Variants in DMXL2 observed in about 807,000 individuals in gnomAD.
DMXL2 encodes dmX-like protein 2.
Under a neutral mutation model 331.1 loss-of-function variants are expected in DMXL2, and 103 were observed. The observed-to-expected ratio is 0.31, with a 90% CI of 0.27 to 0.37. DMXL2 has a LOEUF of 0.37. DMXL2 is among the 10% of genes least tolerant of loss of function. The probability of loss-of-function intolerance (pLI) is 1.00; values close to 1 mark genes in which losing one functional copy is unlikely to be tolerated. For missense variants in DMXL2, 3,171 were observed against 3,642.9 expected (o/e 0.87, Z 3.33); for synonymous variants, 1,281 against 1,252.1 (o/e 1.02, Z -0.49).
At chr15:51,547,519 CTT>C (rs1003247726) in intron 6 of DMXL2, 111 bp from the exon 7 acceptor site, 11 of 635,268 alleles carry the variant, frequency 1.7e-5, no homozygotes, top group African/African-American at 1.7e-4. Flanking sequence ...TAATATGTGA[CTT>C]ATACATAATA....
At chr15:51,457,304 G>GGT in intron 37 of DMXL2, 24 bp downstream of exon 37, 1 of 1,602,886 alleles carries the variant, frequency 6.2e-7, no homozygotes. Flanking sequence ...ATCCAGAAAT[G>GGT]ATACCTATAA....
chr15:51,601,534 T>C (rs572980084), intron 1 of DMXL2, among the ~76,000 whole-genome samples: 1 of 152,262 alleles, frequency 6.6e-6, no homozygotes, highest in African/African-American at 2.4e-5. Context: ...AGATCAACCA[T>C]CCTGTTACTC....
At chr15:51,468,880 A>C (rs2040837792) in intron 29 of DMXL2, among the ~76,000 whole-genome samples, 1 of 152,190 alleles carries the variant, frequency 6.6e-6, no homozygotes, top group African/African-American at 2.4e-5. Flanking sequence ...TGGTGATGCC[A>C]TCAGCAAAAT....
rs138411728 is a variant in DMXL2, at chr15:51,544,243, A to G, written c.930+1340T>C. Among the ~76,000 whole-genome samples, 118 of 152,282 alleles carry G rather than the reference A, an allele frequency of 7.7e-4. 1 individual carries two copies. The East Asian group carries it at 0.02, about 25-fold the overall frequency. ...GTTTGGGTCATGAGGCGGATCCCGC[A>G]TGGCTTGGTGTTGGTATTGCCTTTG... On this transcript the variant is annotated intron_variant, in intron 8 of 43. Transcript: ENST00000560891.
At chr15:51,526,178 G>T (rs1175658364) in intron 13 of DMXL2, among the ~76,000 whole-genome samples, 1 of 120,444 alleles carries the variant, frequency 8.3e-6, no homozygotes, top group Non-Finnish European at 1.7e-5. Flanking sequence ...AAGAAGGGGG[G>T]TGGGTGGGGG....
chr15:51,593,983 C>T (rs1317996275), intron 1 of DMXL2, among the ~76,000 whole-genome samples: 3 of 152,074 alleles, frequency 2.0e-5, no homozygotes, highest in Non-Finnish European at 1.5e-5. Flanking sequence ...AAAACTGACA[C>T]CCTAACATCA....
At chr15:51,451,748 T>A in intron 41 of DMXL2, 51 bp from the exon 42 acceptor site, 1 of 1,493,234 alleles carries the variant, frequency 6.7e-7, no homozygotes, top group Non-Finnish European at 9.3e-7. Context: ...TTGTTATAAG[T>A]CGTCATCAGG....
At chr15:51,487,180 T>G (rs542313263) in intron 22 of DMXL2, among the ~76,000 whole-genome samples, 10 of 152,278 alleles carry the variant, frequency 6.6e-5, no homozygotes, top group Admixed American at 2.0e-4. Flanking sequence ...TGGGAAGTTT[T>G]ACCTCCTCAC....
chr15:51,538,975 A>G (rs911510193), intron 9 of DMXL2, among the ~76,000 whole-genome samples: 1 of 151,938 alleles, frequency 6.6e-6, no homozygotes, highest in African/African-American at 2.4e-5. Flanking sequence ...TTTGGGAGGG[A>G]GAGGCGGGTG....
chr15:51,505,072 A>G (rs899713216), intron 16 of DMXL2, among the ~76,000 whole-genome samples: 1 of 152,202 alleles, frequency 6.6e-6, no homozygotes, highest in African/African-American at 2.4e-5. Context: ...TAAAGCACCA[A>G]TCTCAGTGCC....
chr15:51,535,533 A>T (rs2048240158), intron 13 of DMXL2, 130 bp downstream of exon 13: 2 of 738,836 alleles, frequency 2.7e-6, no homozygotes, highest in Non-Finnish European at 4.0e-6. Context: ...TGTGTCATAT[A>T]TATGTCATAT....
At chr15:51,454,694 AC>A (rs1595876852) in intron 40 of DMXL2, among the ~76,000 whole-genome samples, 1 of 152,100 alleles carries the variant, frequency 6.6e-6, no homozygotes, top group Non-Finnish European at 1.5e-5. Context: ...AGGGGGTTTC[AC>A]CAGGTTGGTC....
intron 1 of DMXL2, among the ~76,000 whole-genome samples, chr15:51,618,692 T>G (rs1171200682): frequency 6.6e-6 from 1 of 152,192 alleles, no homozygotes; most frequent in Admixed American, 6.5e-5. Context: ...AAAAGTAACT[T>G]TTGCAAAGAA....
chr15:51,449,124 G>A lies in DMXL2; in HGVS notation c.9037C>T (p.Arg3013Ter), dbSNP rs775750727. ...KSEHAKQSIF[R>*]NIGAGVMQID... ...TGCATGACTCCAGCCCCAATGTTTCGAAATATGGACTGCTTAGCATGTTCA... is the reference window on the plus strand; with the variant it reads ...TGCATGACTCCAGCCCCAATGTTTCAAAATATGGACTGCTTAGCATGTTCA... Residue 3013 changes from arginine to a stop codon, truncating the protein, a stop_gained, in exon 44 of 44, where the codon CGA (arginine) becomes TGA (stop). Coordinates refer to ENST00000560891, the MANE Select transcript of DMXL2 (RefSeq NM_001378457.1). LOFTEE classifies it high-confidence loss of function. 3 of 1,614,132 alleles carry A rather than the reference G, an allele frequency of 1.9e-6. No homozygotes were observed. The highest frequency in any genetic ancestry group is 1.7e-6 in the Non-Finnish European group (2 of 1,180,008).
At chr15:51,565,349 C>T (rs1734371326) in intron 3 of DMXL2, among the ~76,000 whole-genome samples, 183 bp from the exon 4 acceptor site, 1 of 152,158 alleles carries the variant, frequency 6.6e-6, no homozygotes, top group Admixed American at 6.6e-5. Flanking sequence ...GGTTCCACTA[C>T]TATTTATTAT....
intron 15 of DMXL2, among the ~76,000 whole-genome samples, chr15:51,510,915 C>T (rs1291836016): frequency 6.6e-6 from 1 of 152,126 alleles, no homozygotes. Context: ...TGATCTTTGA[C>T]AAACCTGACA....
In DMXL2 at chr15:51,537,572, T is replaced by C; in HGVS notation, c.1533A>G (p.Thr511=). The C allele has an allele frequency of 6.2e-7, 1 of 1,613,892 alleles. No individual in the cohort carries two copies. Among genetic ancestry groups the C allele is most frequent in the Non-Finnish European group, 8.5e-7 (1 of 1,179,886 alleles). The change falls in exon 11 of 44, where the codon ACA becomes ACG. Residue 511 remains threonine (T), a synonymous_variant. Coordinates refer to ENST00000560891, the MANE Select transcript of DMXL2 (RefSeq NM_001378457.1). ...EWNKNPDMLF[T]IHPVDGTFLV... is the part of the protein sequence containing the mutation. Reference sequence around the variant, plus strand: ...GAAAGGTACCATCTACAGGGTGTATTGTAAAAAGCATATCAGGATTCTTAT... The same window carrying C: ...GAAAGGTACCATCTACAGGGTGTATCGTAAAAAGCATATCAGGATTCTTAT...
intron 16 of DMXL2, 40 bp from the exon 17 acceptor site, chr15:51,503,073 T>A: frequency 7.8e-7 from 1 of 1,289,342 alleles, no homozygotes; most frequent in Non-Finnish European, 1.1e-6. Flanking sequence ...TGTATGTATA[T>A]CATTACTATA....
intron 13 of DMXL2, among the ~76,000 whole-genome samples, chr15:51,522,148 G>C (rs2047414669): frequency 6.6e-6 from 1 of 151,882 alleles, no homozygotes; most frequent in Non-Finnish European, 1.5e-5. Flanking sequence ...TACTTTAAAT[G>C]GAATAAAAAA....
Sources: gnomAD v4.1 joint callset for allele counts (sites outside exome capture counted in the v4.1 genomes callset) on GRCh38, gnomAD v4.1.1 for gene constraint, MANE v1.5 for transcripts, NCBI Gene and HGNC (gene_info 2026-07-23, HGNC 2026-07-21) for gene names.